Variants in CBR4 observed in about 807,000 individuals in gnomAD.
CBR4 encodes the protein carbonyl reductase 4, also known as 3-oxoacyl-[acyl-carrier-protein] reductase.
Under a neutral mutation model 21.0 loss-of-function variants are expected in CBR4, and 22 were observed. That is an observed-to-expected ratio of 1.05 (90% CI 0.75 to 1.50). The LOEUF (loss-of-function observed/expected upper bound fraction) is 1.50. Ranked by LOEUF, CBR4 falls within the 40% of genes most tolerant of loss-of-function variation. The probability of loss-of-function intolerance (pLI) is 0.00; values close to 1 mark genes in which losing one functional copy is unlikely to be tolerated. For missense variants in CBR4, 302 were observed against 286.3 expected (o/e 1.05, Z -0.40); for synonymous variants, 100 against 104.4 (o/e 0.96, Z 0.26).
At chr4:168,991,211 A>G (rs868809534) in intron 4 of CBR4, among the ~76,000 whole-genome samples, 28 of 152,234 alleles carry the variant, frequency 1.8e-4, no homozygotes, top group Admixed American at 1.0e-3. Flanking sequence ...GTAGACACAA[A>G]CATGAATAAA....
Position 169,006,844 on chromosome 4 carries a change from A to G in CBR4, c.311T>C (p.Leu104Pro). ...RTKTEDMVSQLHTNLLGSMLT... is the reference protein window; with the variant it reads ...RTKTEDMVSQPHTNLLGSMLT... ...CATGGAACCCAAGAGGTTAGTATGA[A>G]GCTGAGATACCATATCTTCAGTTTT... is the stretch of plus-strand genomic sequence containing the variant. The change falls in exon 3 of 5, where the codon CTT (leucine) becomes CCT (proline). Residue 104 changes from leucine (L) to proline (P), a missense_variant. Leu to Pro is a moderately conservative substitution (Grantham distance 98, BLOSUM62 -3). Coordinates refer to ENST00000306193, the MANE Select transcript of CBR4 (RefSeq NM_032783.5). 2 of 1,613,314 alleles carry G rather than the reference A, an allele frequency of 1.2e-6. No homozygotes were observed. The highest frequency in any genetic ancestry group is 1.7e-6 in the Non-Finnish European group (2 of 1,179,210).
At chr4:168,955,373 T>C (rs1578931733) in intron 2 of CBR4, among the ~76,000 whole-genome samples, 1 of 152,224 alleles carries the variant, frequency 6.6e-6, no homozygotes, top group Admixed American at 6.5e-5. Flanking sequence ...ATAATGTTAA[T>C]ATATAACTGA....
At position 168,894,659 on chromosome 4, in the gene CBR4, A is replaced by G. The variant is rs1754735656; in HGVS notation, n.276T>C. 6.2e-7 allele frequency: 1 copy of G among 1,613,638 alleles called. No homozygotes were observed. Among genetic ancestry groups the G allele is most frequent in the African/African-American group, 1.3e-5 (1 of 75,054 alleles). ...CTGTCTTTAATATTCAGGAGCCAGA[A>G]GAGGAAACAGCTAATCAGGTACCAT... On this transcript the variant is annotated non_coding_transcript_exon_variant, in exon 3 of 4. Transcript: ENST00000509108.
At chr4:168,909,824 A>G (rs1582098612) in intron 2 of CBR4, among the ~76,000 whole-genome samples, 1 of 152,200 alleles carries the variant, frequency 6.6e-6, no homozygotes. Context: ...TATTATGCAC[A>G]TGGAAGGCAT....
chr4:168,935,572 GA>G (rs1763087996), intron 2 of CBR4, among the ~76,000 whole-genome samples: 2 of 152,144 alleles, frequency 1.3e-5, no homozygotes, highest in Non-Finnish European at 2.9e-5. Flanking sequence ...CCAGCTTGGT[GA>G]GGGAGGGGTG....
downstream of CBR4, among the ~76,000 whole-genome samples, chr4:168,983,825 A>G (rs1485753212): frequency 1.3e-5 from 2 of 152,210 alleles, no homozygotes; most frequent in Non-Finnish European, 2.9e-5. Flanking sequence ...TCTTCACAAG[A>G]GACAGAGAAA....
At chr4:168,913,848 A>T (rs1178763294) in intron 2 of CBR4, 8 of 935,356 alleles carry the variant, frequency 8.6e-6, no homozygotes, top group Non-Finnish European at 1.8e-6. Flanking sequence ...TCTTATAGAG[A>T]ATAGGACAGT....
intron 2 of CBR4, among the ~76,000 whole-genome samples, chr4:168,982,338 T>C (rs1431124330): frequency 6.6e-6 from 1 of 152,068 alleles, no homozygotes; most frequent in Non-Finnish European, 1.5e-5. Flanking sequence ...CACATAATGA[T>C]AAAAAGGTTC....
At chr4:168,929,427 T>C (rs1762897120) in intron 2 of CBR4, among the ~76,000 whole-genome samples, 1 of 152,226 alleles carries the variant, frequency 6.6e-6, no homozygotes, top group African/African-American at 2.4e-5. Context: ...CACATTGTCT[T>C]CTATACCCCA....
intron 2 of CBR4, among the ~76,000 whole-genome samples, chr4:168,941,851 C>T (rs976995163): frequency 3.9e-5 from 6 of 152,140 alleles, no homozygotes; most frequent in African/African-American, 1.2e-4. Flanking sequence ...TAGTTGGCCA[C>T]ATAAATGTTT....
downstream of CBR4, among the ~76,000 whole-genome samples, chr4:168,983,477 G>A (rs1021997189): frequency 2.0e-5 from 3 of 151,922 alleles, no homozygotes; most frequent in Non-Finnish European, 2.9e-5. Context: ...TGAATTCTAC[G>A]AGATGTAAAA....
chr4:169,004,793 TAC>T (rs1274762982), intron 3 of CBR4, among the ~76,000 whole-genome samples: 4 of 152,214 alleles, frequency 2.6e-5, no homozygotes, highest in Non-Finnish European at 4.4e-5. Flanking sequence ...GCAATTTCAT[TAC>T]ATTCAGTGAT....
At chr4:168,903,295 A>C (rs895288153) in intron 2 of CBR4, among the ~76,000 whole-genome samples, 3 of 152,158 alleles carry the variant, frequency 2.0e-5, no homozygotes, top group African/African-American at 7.2e-5. Flanking sequence ...TGAAATGATT[A>C]GAGTTTGGGG....
intron 2 of CBR4, among the ~76,000 whole-genome samples, chr4:168,973,836 G>A (rs540895003): frequency 1.9e-4 from 29 of 152,258 alleles, no homozygotes; most frequent in African/African-American, 7.0e-4. Context: ...GTGCATAAAG[G>A]TGTTCATAGT....
intron 2 of CBR4, among the ~76,000 whole-genome samples, chr4:168,975,408 T>C (rs530965234): frequency 2.0e-5 from 3 of 152,314 alleles, no homozygotes; most frequent in Admixed American, 6.5e-5. Context: ...GTCACAAGGA[T>C]AGACTCAGGA....
Position 168,910,220 on chromosome 4 carries a change from CTTT to C in CBR4, n.170-15458_170-15456del, listed in dbSNP as rs70961563. Among the ~76,000 whole-genome samples the C allele has an allele frequency of 4.7e-3, 533 of 113,952 alleles. 1 individual carries two copies. The highest frequency in any genetic ancestry group is 0.019 in the East Asian group (70 of 3,720). The allele number at this position is 113,952 out of a possible 152,430, so 74.8% of individuals were successfully genotyped here. On this transcript the variant is annotated intron_variant and non_coding_transcript_variant, in intron 2 of 3. Transcript: ENST00000509108. ...CCAGAGTAGTATGCCAACCTGTTTA[CTTT>C]TTTTTTTTTTTTTTTTTTGAGAGGG...
intron 2 of CBR4, among the ~76,000 whole-genome samples, chr4:168,906,004 C>T (rs897985117): frequency 2.0e-5 from 3 of 151,570 alleles, no homozygotes; most frequent in Admixed American, 6.6e-5. Flanking sequence ...CCTCTTTTTT[C>T]CTTATTATAT....
At chr4:168,929,365 A>G (rs1762891700) in intron 2 of CBR4, among the ~76,000 whole-genome samples, 1 of 152,206 alleles carries the variant, frequency 6.6e-6, no homozygotes, top group South Asian at 2.1e-4. Context: ...TTACATATGC[A>G]ATATAATGGA....
intron 2 of CBR4, among the ~76,000 whole-genome samples, chr4:168,903,534 T>A (rs1055520179): frequency 1.3e-5 from 2 of 152,180 alleles, no homozygotes; most frequent in Non-Finnish European, 2.9e-5. Flanking sequence ...GCAATATTTT[T>A]AAAAACAAAA....
Sources: gnomAD v4.1 joint callset for allele counts (sites outside exome capture counted in the v4.1 genomes callset) on GRCh38, gnomAD v4.1.1 for gene constraint, MANE v1.5 for transcripts, NCBI Gene and HGNC (gene_info 2026-07-23, HGNC 2026-07-21) for gene names.